Variants in BTLA observed in about 807,000 individuals in gnomAD.
BTLA encodes B and T lymphocyte associated.
BTLA carries 11 observed loss-of-function variants against 25.0 expected under a neutral mutation model. The ratio of observed to expected loss-of-function variants is 0.44; its 90% CI spans 0.28 to 0.73. The LOEUF is 0.73. Ranked by LOEUF, BTLA falls within the 30% of genes least tolerant of loss-of-function variation. BTLA has a pLI of 0.15. For synonymous variants in BTLA, 104 were observed against 119.8 expected, an observed-to-expected ratio of 0.87 and a Z score of 0.86; for missense variants, 282 against 332.8, an observed-to-expected ratio of 0.85 and a Z score of 1.19.
rs2082214299 is a variant in BTLA, at chr3:112,464,488, C to A, written c.*1620G>T. The A allele has an allele frequency of 1.7e-5, 4 of 238,972 alleles. No homozygotes were observed. Among genetic ancestry groups the A allele is most frequent in the Non-Finnish European group, 3.2e-5 (4 of 125,234 alleles). 14.8% of individuals were successfully genotyped at this position (238,972 alleles called of 1,614,324 possible). The stretch of plus-strand genomic sequence containing the variant: ...GCAGCCTGGCTAAAACAGCCTATCT[C>A]GAATTGGTTGCTTGAAATTCTAGGT... On this transcript the variant is annotated 3_prime_UTR_variant, in exon 5 of 5. Coordinates refer to ENST00000334529, the MANE Select transcript of BTLA (RefSeq NM_181780.4).
At chr3:112,499,119 A>T (rs1326722287) in intron 1 of BTLA, 152 bp downstream of exon 1, 1 of 597,996 alleles carries the variant, frequency 1.7e-6, no homozygotes, top group South Asian at 2.3e-5. Context: ...ATGCTCTACG[A>T]TGTCTTCGGT....
At chr3:112,466,609 C>T (rs1275080386) in intron 4 of BTLA, among the ~76,000 whole-genome samples, 1 of 152,132 alleles carries the variant, frequency 6.6e-6, no homozygotes, top group African/African-American at 2.4e-5. Context: ...TTATTTTGTG[C>T]TTTATTACTG....
At chr3:112,486,210 G>T (rs1311866732) in intron 1 of BTLA, among the ~76,000 whole-genome samples, 1 of 152,178 alleles carries the variant, frequency 6.6e-6, no homozygotes, top group African/African-American at 2.4e-5. Context: ...TATAGGTTTA[G>T]AAATTCTTTC....
intron 1 of BTLA, among the ~76,000 whole-genome samples, chr3:112,481,758 A>G (rs977890140): frequency 6.6e-6 from 1 of 152,212 alleles, no homozygotes; most frequent in African/African-American, 2.4e-5. Context: ...TTCACTTTTT[A>G]TATGGCTAGG....
chr3:112,484,196 C>G lies in BTLA; in HGVS notation c.89-4427G>C, dbSNP rs72938422. Among the ~76,000 whole-genome samples, 891 of 152,210 alleles carry G rather than the reference C, an allele frequency of 5.9e-3. 6 individuals are homozygous for G. Among genetic ancestry groups the G allele is most frequent in the African/African-American group, 0.02 (850 of 41,520 alleles). On this transcript the variant is annotated intron_variant, in intron 1 of 4. Transcript: ENST00000334529. ...TCATGATAGATTTAGATCATTGATA[C>G]ACAACTGGATCATGGTTTTCTGACT... is the stretch of plus-strand genomic sequence containing the variant.
chr3:112,467,723 A>G (rs2082237915), intron 4 of BTLA, among the ~76,000 whole-genome samples: 1 of 152,250 alleles, frequency 6.6e-6, no homozygotes, highest in South Asian at 2.1e-4. Flanking sequence ...AGTAAGGCTG[A>G]GCGACTGAAA....
chr3:112,482,917 T>C (rs1312962355), intron 1 of BTLA, among the ~76,000 whole-genome samples: 2 of 152,166 alleles, frequency 1.3e-5, no homozygotes, highest in African/African-American at 4.8e-5. Flanking sequence ...GAAACTCTTG[T>C]TTCCAGAAGT....
intron 1 of BTLA, among the ~76,000 whole-genome samples, chr3:112,496,334 T>G (rs1337770071): frequency 6.6e-6 from 1 of 152,186 alleles, no homozygotes; most frequent in Non-Finnish European, 1.5e-5. Context: ...GGGGCAAGTT[T>G]CTCTAATTTT....
chr3:112,487,356 G>A (rs1457538757), intron 1 of BTLA, among the ~76,000 whole-genome samples: 2 of 152,170 alleles, frequency 1.3e-5, no homozygotes, highest in Admixed American at 1.3e-4. Context: ...AGGCCAGGGC[G>A]GGCGGATCAC....
At chr3:112,486,194 A>C (rs941060249) in intron 1 of BTLA, among the ~76,000 whole-genome samples, 2 of 152,242 alleles carry the variant, frequency 1.3e-5, no homozygotes, top group Non-Finnish European at 2.9e-5. Flanking sequence ...TCCCTTGTTA[A>C]GTCACTATAG....
At chr3:112,492,664 GA>G (rs2082386530) in intron 1 of BTLA, among the ~76,000 whole-genome samples, 2 of 152,138 alleles carry the variant, frequency 1.3e-5, no homozygotes, top group Non-Finnish European at 2.9e-5. Context: ...AGCCCTTGAA[GA>G]TACTAAACAA....
At chr3:112,483,179 A>G (rs1036081404) in intron 1 of BTLA, among the ~76,000 whole-genome samples, 5 of 104,406 alleles carry the variant, frequency 4.8e-5, no homozygotes, top group African/African-American at 2.0e-4. Flanking sequence ...CAAGAGTTTC[A>G]CTCTTGTTGC....
intron 1 of BTLA, among the ~76,000 whole-genome samples, chr3:112,497,395 C>G (rs1056537960): frequency 6.6e-6 from 1 of 152,078 alleles, no homozygotes; most frequent in Non-Finnish European, 1.5e-5. Context: ...AGTGGCAGAG[C>G]CAGTAAATTA....
chr3:112,492,298 A>G (rs2082384456), intron 1 of BTLA, among the ~76,000 whole-genome samples: 1 of 152,260 alleles, frequency 6.6e-6, no homozygotes. Flanking sequence ...AATGATTTAG[A>G]GAGACTTTGA....
intron 1 of BTLA, among the ~76,000 whole-genome samples, chr3:112,495,947 T>A (rs187481353): frequency 2.0e-5 from 3 of 152,214 alleles, no homozygotes; most frequent in African/African-American, 7.2e-5. Flanking sequence ...CTAACCACTG[T>A]ATTCTCAAAA....
intron 2 of BTLA, among the ~76,000 whole-genome samples, chr3:112,478,636 C>G (rs2082301526): frequency 6.6e-6 from 1 of 152,038 alleles, no homozygotes; most frequent in Non-Finnish European, 1.5e-5. Context: ...CCTGTTTGCT[C>G]TGGCTAGAAT....
rs2082292632 is a variant in BTLA, at chr3:112,477,076, T to G, written c.403+2379A>C. 2.0e-5 allele frequency among the ~76,000 whole-genome samples: 3 copies of G among 152,312 alleles called. No homozygotes were observed. In the South Asian group the frequency reaches 6.2e-4, roughly 32 times the overall value. On this transcript the variant is annotated intron_variant, in intron 2 of 4. Transcript: ENST00000334529. ...GATAAACTACATTTCCTTTATCCAT[T>G]CATCAGCTGAACATTTAGGTTGTTT...
intron 4 of BTLA, among the ~76,000 whole-genome samples, chr3:112,468,709 T>A (rs2082243899): frequency 6.6e-6 from 1 of 152,146 alleles, no homozygotes; most frequent in Non-Finnish European, 1.5e-5. Flanking sequence ...TCAAGTGAAA[T>A]TTTTATTATT....
chr3:112,484,775 T>C (rs980779207), intron 1 of BTLA, among the ~76,000 whole-genome samples: 3 of 152,178 alleles, frequency 2.0e-5, no homozygotes, highest in Non-Finnish European at 4.4e-5. Context: ...TGATTCACAA[T>C]AGGATTATGG....
Sources: allele counts gnomAD v4.1 joint callset (sites outside exome capture counted in the v4.1 genomes callset), GRCh38; gene constraint gnomAD v4.1.1; transcripts MANE v1.5; gene names NCBI Gene and HGNC (gene_info 2026-07-23, HGNC 2026-07-21).